TEX9: variants seen among roughly 807,000 people sequenced by gnomAD.
TEX9 encodes the protein testis expressed 9.
In TEX9, 74 loss-of-function variants were observed where a neutral mutation model predicts 59.6. The ratio of observed to expected loss-of-function variants is 1.24; its 90% confidence interval spans 1.03 to 1.51. The LOEUF is 1.51. TEX9 is among the 40% of genes most tolerant of loss of function. The pLI, the probability that TEX9 is intolerant of heterozygous loss-of-function variation, is 0.00. For missense variants in TEX9, 522 were observed against 447.8 expected (o/e 1.17, Z -1.49); for synonymous variants, 186 against 152.2 (o/e 1.22, Z -1.64).
At chr15:56,455,251 A>G in the TEX9 span, among the ~76,000 whole-genome samples, 1 of 132,536 alleles carries the variant, frequency 7.5e-6, no homozygotes, top group African/African-American at 3.5e-5. Context: ...TCAGGTGAAA[A>G]AAAAAAAAAA....
chr15:56,335,926 C>T (rs1467740276), intron 1 of TEX9, among the ~76,000 whole-genome samples: 1 of 152,052 alleles, frequency 6.6e-6, no homozygotes, highest in African/African-American at 2.4e-5. Context: ...TCATAAATTA[C>T]AGCCATTTAG....
intron 2 of TEX9, among the ~76,000 whole-genome samples, chr15:56,368,216 A>G: frequency 6.6e-6 from 1 of 151,996 alleles, no homozygotes; most frequent in East Asian, 1.9e-4. Flanking sequence ...TTTTTTCCCT[A>G]ATTAATTCAG....
intron 3 of TEX9, among the ~76,000 whole-genome samples, chr15:56,378,202 G>A (rs1313706026): frequency 6.6e-6 from 1 of 151,974 alleles, no homozygotes; most frequent in Non-Finnish European, 1.5e-5. Context: ...ATGTGTCTTT[G>A]GTTTTGGTTT....
In TEX9 at chr15:56,423,873, G is replaced by C. The variant is rs12908734; in HGVS notation, c.964-3732G>C. Among the ~76,000 whole-genome samples, 380 of 151,974 alleles carry C rather than the reference G, an allele frequency of 2.5e-3. 5 individuals carry two copies. In the South Asian group the frequency reaches 0.031, roughly 12 times the overall value. The stretch of plus-strand genomic sequence containing the variant: ...TGAGATTTTGGTGCACCCATCACCC[G>C]AGCAGTCTATACTGAACCCAATGTG... On this transcript the variant is annotated intron_variant, in intron 10 of 12. Coordinates refer to ENST00000352903, the Ensembl canonical transcript of TEX9.
intron 12 of TEX9, chr15:56,431,245 A>G (rs2050585663): frequency 2.2e-5 from 22 of 1,014,132 alleles, no homozygotes; most frequent in Middle Eastern, 6.5e-4. Flanking sequence ...CCTGGACAGG[A>G]GGATCCCATT....
intron 9 of TEX9, chr15:56,397,463 G>A (rs149228119): frequency 7.9e-4 from 120 of 152,356 alleles, no homozygotes; most frequent in African/African-American, 2.8e-3. Context: ...AATTCAAGCC[G>A]GCTGCAGAAA....
intron 1 of TEX9, among the ~76,000 whole-genome samples, chr15:56,283,951 A>T (rs1171605346): frequency 2.0e-5 from 3 of 152,212 alleles, no homozygotes; most frequent in Non-Finnish European, 2.9e-5. Context: ...AGTAATCAGA[A>T]AACTGCAAAT....
chr15:56,256,994 T>C (rs150611354), intron 1 of TEX9, among the ~76,000 whole-genome samples: 23 of 152,222 alleles, frequency 1.5e-4, no homozygotes, highest in African/African-American at 4.8e-4. Flanking sequence ...TGTGTCCATG[T>C]GTTCTCATCA....
At chr15:56,313,093 A>G (rs1457470473) in intron 1 of TEX9, among the ~76,000 whole-genome samples, 2 of 150,674 alleles carry the variant, frequency 1.3e-5, no homozygotes, top group African/African-American at 4.9e-5. Flanking sequence ...ATCTGCAAAC[A>G]GGGACAATTT....
At chr15:56,327,209 A>C (rs1428717101) in intron 1 of TEX9, among the ~76,000 whole-genome samples, 2 of 152,208 alleles carry the variant, frequency 1.3e-5, no homozygotes, top group Non-Finnish European at 2.9e-5. Flanking sequence ...TATTTCAATC[A>C]ATATGAATCT....
At chr15:56,377,518 T>A (rs943832872) in intron 3 of TEX9, among the ~76,000 whole-genome samples, 21 of 152,222 alleles carry the variant, frequency 1.4e-4, no homozygotes, top group Admixed American at 7.2e-4. Flanking sequence ...CTACTGTAAA[T>A]GGGATTACTT....
At chr15:56,422,053 C>T (rs182065497) in intron 10 of TEX9, among the ~76,000 whole-genome samples, 10,100 of 133,420 alleles carry the variant, frequency 0.076, 448 homozygotes, top group Non-Finnish European at 0.1. Flanking sequence ...CTGACTTCCA[C>T]AATGGTTGAA....
rs1385762651 is a variant in TEX9, at chr15:56,297,312, A to G, written c.-107+53034A>G. ...TCTCTTAAGTACTGGTAAGAAATAC[A>G]AATATATGATATATAAAAACAAATG... On this transcript the variant is annotated intron_variant, in intron 1 of 5. Coordinates refer to the TEX9 transcript ENST00000560827. Among the ~76,000 whole-genome samples the G allele has an allele frequency of 2.6e-5, 4 of 152,222 alleles. No homozygotes were observed. The East Asian group carries it at 7.7e-4, about 29-fold the overall frequency.
At chr15:56,424,928 G>C (rs1485716999) in intron 10 of TEX9, among the ~76,000 whole-genome samples, 1 of 152,036 alleles carries the variant, frequency 6.6e-6, no homozygotes, top group Non-Finnish European at 1.5e-5. Flanking sequence ...GGATTTTGTA[G>C]GGAAAATACA....
chr15:56,454,508 A>C, the TEX9 span, among the ~76,000 whole-genome samples: 1 of 152,064 alleles, frequency 6.6e-6, no homozygotes, highest in Non-Finnish European at 1.5e-5. Context: ...TACTGTTTCT[A>C]TTCAGGATTA....
chr15:56,407,033 C>T (rs2049114176), intron 9 of TEX9, among the ~76,000 whole-genome samples: 1 of 151,996 alleles, frequency 6.6e-6, no homozygotes, highest in African/African-American at 2.4e-5. Flanking sequence ...TTTATCCACT[C>T]CAAAGTCATG....
intron 9 of TEX9, among the ~76,000 whole-genome samples, chr15:56,401,436 G>C (rs1249964433): frequency 6.7e-6 from 1 of 149,948 alleles, no homozygotes; most frequent in East Asian, 2.0e-4. Flanking sequence ...TCAACAAGAA[G>C]AGCTAACTAT....
chr15:56,303,274 TGGA>T (rs2045402989), intron 1 of TEX9, among the ~76,000 whole-genome samples: 3 of 152,200 alleles, frequency 2.0e-5, no homozygotes, highest in Non-Finnish European at 4.4e-5. Flanking sequence ...CTTCAGCATA[TGGA>T]TCATTCTCAA....
At chr15:56,283,209 A>T (rs906283944) in intron 1 of TEX9, among the ~76,000 whole-genome samples, 2 of 152,030 alleles carry the variant, frequency 1.3e-5, no homozygotes, top group Admixed American at 6.6e-5. Flanking sequence ...TATCCTTTAT[A>T]TTATTTGCAT....
Sources: allele counts gnomAD v4.1 joint callset (sites outside exome capture counted in the v4.1 genomes callset), GRCh38; gene constraint gnomAD v4.1.1; transcripts MANE v1.5; gene names NCBI Gene and HGNC (gene_info 2026-07-23, HGNC 2026-07-21).